The following SDK1 variants were observed in gnomAD, a reference collection of about 807,000 sequenced individuals.
The protein encoded by SDK1 is protein sidekick-1.
SDK1 carries 157 observed loss-of-function variants against 245.5 expected under a neutral mutation model. The observed-to-expected ratio is 0.64, with a 90% CI of 0.56 to 0.73. The LOEUF is 0.73. SDK1 is among the 30% of genes least tolerant of loss of function. The probability of loss-of-function intolerance (pLI) is 0.00; values close to 1 mark genes in which losing one functional copy is unlikely to be tolerated. For missense variants in SDK1, 3,583 were observed against 3,002.3 expected (o/e 1.19, Z -4.52); for synonymous variants, 1,647 against 1,278.5 (o/e 1.29, Z -6.15).
chr7:4,004,622 A>G (rs536104335), intron 14 of SDK1, among the ~76,000 whole-genome samples: 3 of 152,280 alleles, frequency 2.0e-5, no homozygotes, highest in South Asian at 4.1e-4. Flanking sequence ...AGCTCCAACA[A>G]CCAGTAACAT....
rs187765433 is a variant in SDK1 at position 4,141,077 on chromosome 7, G to A, written c.4229-4645G>A. Among the ~76,000 whole-genome samples the A allele has an allele frequency of 3.3e-3, 509 of 152,324 alleles. 2 individuals carry two copies. The highest frequency in any genetic ancestry group is 0.01 in the Middle Eastern group (3 of 294). On this transcript the variant is annotated intron_variant, in intron 28 of 44. Coordinates refer to ENST00000404826, the MANE Select transcript of SDK1 (RefSeq NM_152744.4). ...CTAGTCAGGAGCTTCTGAGAGAGAG[G>A]CAAGGACCACACACGAAAAACAATC...
At chr7:3,804,201 T>C (rs1305357071) in intron 4 of SDK1, among the ~76,000 whole-genome samples, 1 of 152,230 alleles carries the variant, frequency 6.6e-6, no homozygotes, top group African/African-American at 2.4e-5. Flanking sequence ...TGATATCTTC[T>C]CCTAAAAATT....
At chr7:4,208,057 G>T (rs1784323247) in intron 36 of SDK1, 42 bp from the exon 37 acceptor site, 1 of 1,507,532 alleles carries the variant, frequency 6.6e-7, no homozygotes, top group African/African-American at 1.4e-5. Context: ...TTACTGGAAG[G>T]CTTCCCCAGG....
intron 1 of SDK1, among the ~76,000 whole-genome samples, chr7:3,533,125 CAGGTGG>C (rs2128618425): frequency 6.6e-6 from 1 of 152,312 alleles, no homozygotes; most frequent in Non-Finnish European, 1.5e-5. Context: ...CCATGTGATT[CAGGTGG>C]AGTTTGGTAC....
intron 28 of SDK1, among the ~76,000 whole-genome samples, chr7:4,142,373 G>C (rs917646195): frequency 2.0e-5 from 3 of 152,098 alleles, no homozygotes; most frequent in African/African-American, 7.2e-5. Context: ...CTGTCACCCA[G>C]GCTGGAGTGC....
At chr7:4,145,189 A>G (rs566525997) in intron 28 of SDK1, among the ~76,000 whole-genome samples, 1 of 152,266 alleles carries the variant, frequency 6.6e-6, no homozygotes, top group Non-Finnish European at 1.5e-5. Flanking sequence ...AAGGGGCCGG[A>G]TGGACGTTGC....
chr7:4,145,385 C>A (rs1779891972), intron 28 of SDK1, among the ~76,000 whole-genome samples: 1 of 152,134 alleles, frequency 6.6e-6, no homozygotes, highest in Non-Finnish European at 1.5e-5. Context: ...GAGGGAGAGG[C>A]AGAGACTGAG....
rs74778295 is a variant in SDK1, at chr7:4,202,426, C to T, written c.5099-3453C>T. On this transcript the variant is annotated intron_variant, in intron 35 of 44. Coordinates refer to ENST00000404826, the MANE Select transcript of SDK1 (RefSeq NM_152744.4). ...AGACTCTGGTTGGGGGAGCAGCCCCCGTGTGACTGGCCAGCCTCAGGGCTG... is the reference window on the plus strand; with the variant it reads ...AGACTCTGGTTGGGGGAGCAGCCCCTGTGTGACTGGCCAGCCTCAGGGCTG... 2.2e-4 allele frequency among the ~76,000 whole-genome samples: 34 copies of T among 152,340 alleles called. 2 individuals are homozygous for T. In the East Asian group the frequency reaches 6.6e-3, roughly 29 times the overall value.
intron 5 of SDK1, among the ~76,000 whole-genome samples, chr7:3,854,437 CT>C (rs1780491604): frequency 6.6e-6 from 1 of 152,200 alleles, no homozygotes; most frequent in Admixed American, 6.5e-5. Flanking sequence ...TGATTGCCCC[CT>C]GTCTCATTTC....
intron 35 of SDK1, among the ~76,000 whole-genome samples, chr7:4,187,091 G>C (rs1782939573): frequency 6.6e-6 from 1 of 152,146 alleles, no homozygotes; most frequent in Non-Finnish European, 1.5e-5. Flanking sequence ...GTGCATGTTG[G>C]GTGTGTTATG....
At chr7:3,864,309 A>G (rs1780768948) in intron 5 of SDK1, among the ~76,000 whole-genome samples, 1 of 152,080 alleles carries the variant, frequency 6.6e-6, no homozygotes, top group African/African-American at 2.4e-5. Flanking sequence ...TTGTTTTTAT[A>G]GTCAATCATT....
intron 19 of SDK1, among the ~76,000 whole-genome samples, chr7:4,059,748 G>C (rs1475036438): frequency 6.6e-6 from 1 of 151,972 alleles, no homozygotes; most frequent in African/African-American, 2.4e-5. Flanking sequence ...TATCTTCTTA[G>C]ACCACAATGG....
intron 9 of SDK1, among the ~76,000 whole-genome samples, chr7:3,965,536 T>C (rs574212487): frequency 1.6e-4 from 25 of 152,238 alleles, no homozygotes; most frequent in Admixed American, 1.5e-3. Flanking sequence ...GAAAGGAAAA[T>C]GTGCTTTAAA....
chr7:4,239,524 C>G (rs529849869), intron 42 of SDK1, among the ~76,000 whole-genome samples: 1 of 152,196 alleles, frequency 6.6e-6, no homozygotes, highest in South Asian at 2.1e-4. Flanking sequence ...ACTGCTAGAC[C>G]GCAGCCTGTT....
rs1236822073 is a variant in SDK1, at chr7:3,469,167, A to G, written c.299-149913A>G. The stretch of plus-strand genomic sequence containing the variant: ...GAAATTCCCCAAAGGACACACCTGT[A>G]ATCCCAGCACCTTGGGAGGCCAAGG... On this transcript the variant is annotated intron_variant, in intron 1 of 44. Transcript: ENST00000404826. 3.9e-5 allele frequency among the ~76,000 whole-genome samples: 6 copies of G among 152,204 alleles called. No individual in the cohort carries two copies. In the South Asian group the frequency reaches 1.0e-3, roughly 26 times the overall value.
chr7:4,203,362 G>T (rs1410920052), intron 35 of SDK1, among the ~76,000 whole-genome samples: 1 of 152,190 alleles, frequency 6.6e-6, no homozygotes, highest in Non-Finnish European at 1.5e-5. Context: ...CCAAGGACCT[G>T]AGTCACTCAG....
At chr7:3,839,112 TG>T (rs1460330141) in intron 5 of SDK1, among the ~76,000 whole-genome samples, 1 of 152,196 alleles carries the variant, frequency 6.6e-6, no homozygotes, top group Admixed American at 6.5e-5. Context: ...TACTCTTTCC[TG>T]GGATGGATCC....
intron 1 of SDK1, among the ~76,000 whole-genome samples, chr7:3,436,059 T>G (rs565082262): frequency 4.6e-5 from 7 of 152,306 alleles, no homozygotes; most frequent in African/African-American, 1.7e-4. Flanking sequence ...TTTTAAAGAG[T>G]TTAAATCCAT....
chr7:3,337,282 G>A (rs1001788325), intron 1 of SDK1, among the ~76,000 whole-genome samples: 1 of 152,042 alleles, frequency 6.6e-6, no homozygotes, highest in Non-Finnish European at 1.5e-5. Flanking sequence ...ATACTGAATG[G>A]GCTCAATAGA....
Sources: gnomAD v4.1 joint callset for allele counts (sites outside exome capture counted in the v4.1 genomes callset) on GRCh38, gnomAD v4.1.1 for gene constraint, MANE v1.5 for transcripts, NCBI Gene and HGNC (gene_info 2026-07-23, HGNC 2026-07-21) for gene names.